CLIP1: variants seen among roughly 807,000 people sequenced by gnomAD.
The protein encoded by CLIP1 is CAP-Gly domain-containing linker protein 1.
A neutral mutation model predicts 161.6 loss-of-function variants in CLIP1; 66 were observed. The observed-to-expected ratio is 0.41, with a 90% CI of 0.33 to 0.50. The LOEUF is 0.50. CLIP1 is among the 20% of genes least tolerant of loss of function. The pLI, the probability that CLIP1 is intolerant of heterozygous loss-of-function variation, is 0.27. For missense variants in CLIP1, 1,376 were observed against 1,702.0 expected, an observed-to-expected ratio of 0.81 and a Z score of 3.37; for synonymous variants, 598 against 626.2, an observed-to-expected ratio of 0.96 and a Z score of 0.67.
chr12:122,293,639 C>T (rs1280845630), intron 20 of CLIP1, among the ~76,000 whole-genome samples: 1 of 150,732 alleles, frequency 6.6e-6, no homozygotes, highest in Non-Finnish European at 1.5e-5. Flanking sequence ...CCACCACGCT[C>T]GGCTAATTTT....
intron 15 of CLIP1, among the ~76,000 whole-genome samples, chr12:122,332,737 A>G (rs1952035795): frequency 6.6e-6 from 1 of 152,164 alleles, no homozygotes; most frequent in Non-Finnish European, 1.5e-5. Flanking sequence ...TCTTTTCTTT[A>G]CAAGTCACCA....
At chr12:122,308,892 C>A (rs1418923161) in intron 20 of CLIP1, among the ~76,000 whole-genome samples, 2 of 152,206 alleles carry the variant, frequency 1.3e-5, no homozygotes, top group African/African-American at 2.4e-5. Context: ...GTACTCAGTA[C>A]AACTACCCCA....
Position 122,360,982 on chromosome 12 carries a change from T to G in CLIP1, c.982A>C (p.Ser328Arg), listed in dbSNP as rs200449581. Residue 328 changes from serine to arginine, a missense_variant, in exon 5 of 26, where the codon AGC (serine) becomes CGC (arginine). Ser to Arg is a moderately radical substitution (Grantham distance 110). Transcript: ENST00000620786. ...ACTAGTCCTGTCCGACTGGGCCTGC[T>G]GCTCACAGAGGAGGCCACTGAGCTC... ...SMSSVASSVS[S>R]RPSRTGLLTE... is the part of the protein sequence containing the mutation. 6.2e-7 allele frequency: 1 copy of G among 1,613,574 alleles called. No individual in the cohort carries two copies. The highest frequency in any genetic ancestry group is 1.3e-5 in the African/African-American group (1 of 74,936).
At chr12:122,306,608 C>T (rs569779088) in intron 20 of CLIP1, among the ~76,000 whole-genome samples, 1 of 152,292 alleles carries the variant, frequency 6.6e-6, no homozygotes, top group East Asian at 1.9e-4. Context: ...CAGCAGCTTG[C>T]TCTGCTCAAG....
chr12:122,351,094 G>C lies in CLIP1; in HGVS notation c.1401+17C>G. On this transcript the variant is annotated intron_variant, in intron 9 of 25. Transcript: ENST00000620786. The stretch of plus-strand genomic sequence containing the variant: ...TGTTAACAAGGGAAATATCCACACA[G>C]TTAAGTGCCCTCTTACATTCTCAGG... 1 of 1,537,012 alleles carries C rather than the reference G, an allele frequency of 6.5e-7. No individual in the cohort carries two copies. Among genetic ancestry groups the C allele is most frequent in the Non-Finnish European group, 8.7e-7 (1 of 1,143,046 alleles).
intron 20 of CLIP1, among the ~76,000 whole-genome samples, chr12:122,292,061 G>A (rs372261295): frequency 1.3e-5 from 2 of 152,036 alleles, no homozygotes; most frequent in South Asian, 4.1e-4. Context: ...ACAAAATCTC[G>A]GCTCACTGCA....
At chr12:122,392,282 AAAAG>A (rs919142326) in intron 1 of CLIP1, among the ~76,000 whole-genome samples, 3 of 152,146 alleles carry the variant, frequency 2.0e-5, no homozygotes, top group Middle Eastern at 3.2e-3. Flanking sequence ...AAAACAAAAC[AAAAG>A]AAAGAAGGAA....
rs979379410 is a variant in CLIP1 at position 122,355,524 on chromosome 12, A to G, written c.1006-212T>C. On this transcript the variant is annotated intron_variant, in intron 5 of 25. Coordinates refer to ENST00000620786, the MANE Select transcript of CLIP1 (RefSeq NM_001247997.2). The surrounding 1 kb of genome is among the most constrained non-coding windows in gnomAD (Gnocchi z 4.1). The stretch of plus-strand genomic sequence containing the variant: ...ACAAAGAATACATCAACGTAAAGAG[A>G]TCAGCCAGGTGCGGTGGCTCATGCC... 1.8e-6 allele frequency: 1 copy of G among 545,582 alleles called. No homozygotes were observed. The highest frequency in any genetic ancestry group is 3.3e-6 in the Non-Finnish European group (1 of 304,094). 33.8% of individuals were successfully genotyped at this position (545,582 alleles called of 1,614,324 possible).
chr12:122,337,568 C>T (rs1438107894), intron 11 of CLIP1, among the ~76,000 whole-genome samples: 2 of 152,094 alleles, frequency 1.3e-5, no homozygotes, highest in Non-Finnish European at 1.5e-5. Flanking sequence ...GGATTAGAGG[C>T]ATGAGCCACT....
At chr12:122,289,690 G>A (rs1956016163) in intron 20 of CLIP1, among the ~76,000 whole-genome samples, 1 of 151,974 alleles carries the variant, frequency 6.6e-6, no homozygotes, top group South Asian at 2.1e-4. Flanking sequence ...ATCTCATGAA[G>A]GATAAAAAAC....
At chr12:122,386,858 C>T (rs1420327736) in intron 1 of CLIP1, among the ~76,000 whole-genome samples, 1 of 150,048 alleles carries the variant, frequency 6.7e-6, no homozygotes, top group African/African-American at 2.4e-5. Flanking sequence ...AGATTCTGAG[C>T]TTACAAAGCT....
At chr12:122,422,784 C>A (rs1957005566), upstream of CLIP1, among the ~76,000 whole-genome samples, 1 of 97,682 alleles carries the variant, frequency 1.0e-5, no homozygotes. Flanking sequence ...GCGCCCGGCC[C>A]CGCGCCGCCC....
chr12:122,406,289 T>C (rs1234140435), intron 1 of CLIP1, among the ~76,000 whole-genome samples: 1 of 151,902 alleles, frequency 6.6e-6, no homozygotes, highest in Non-Finnish European at 1.5e-5. Flanking sequence ...CTGCAAAAAA[T>C]ACAAAAATTA....
intron 17 of CLIP1, 34 bp downstream of exon 17, chr12:122,327,913 C>CTACA (rs1566120784): frequency 1.2e-6 from 2 of 1,603,440 alleles, no homozygotes; most frequent in Non-Finnish European, 1.7e-6. Flanking sequence ...CTCAGGCAAG[C>CTACA]TACAACACAA....
At chr12:122,358,917 C>T (rs544075675) in intron 5 of CLIP1, among the ~76,000 whole-genome samples, 2 of 151,972 alleles carry the variant, frequency 1.3e-5, no homozygotes, top group Admixed American at 6.6e-5. Flanking sequence ...AAAAATTAGC[C>T]GGGCATGGTG....
intron 20 of CLIP1, among the ~76,000 whole-genome samples, chr12:122,301,627 C>T (rs1950682109): frequency 6.6e-6 from 1 of 152,130 alleles, no homozygotes; most frequent in Non-Finnish European, 1.5e-5. Context: ...TGAGCCGAGA[C>T]TGCAGCACTG....
Position 122,311,574 on chromosome 12 carries a change from G to A in CLIP1, c.3474-1692C>T, listed in dbSNP as rs888927979. Among the ~76,000 whole-genome samples, 3 of 151,938 alleles carry A rather than the reference G, an allele frequency of 2.0e-5. No homozygotes were observed. Among genetic ancestry groups the A allele is most frequent in the Non-Finnish European group, 2.9e-5 (2 of 67,988 alleles). On this transcript the variant is annotated intron_variant, in intron 19 of 25. Transcript: ENST00000620786. This position sits in a 1 kb window ranked among gnomAD's most constrained non-coding sequence, Gnocchi z 4.3. ...TGAGTAACTGGGACTACAGGTGTCC[G>A]CCACCGCGCCCAGCCAATTTTTGTA...
rs71082962 is a variant in CLIP1 at position 122,299,612 on chromosome 12, C to CAAAA, written c.3594+10146_3594+10149dup. ...TTTTGTTTTTAAAGAATAAATTCAG[C>CAAAA]AAAAAAAAAAAAAAAAAAAAGATGC... On this transcript the variant is annotated intron_variant, in intron 20 of 25. Coordinates refer to ENST00000620786, the MANE Select transcript of CLIP1 (RefSeq NM_001247997.2). Among the ~76,000 whole-genome samples the CAAAA allele has an allele frequency of 2.5e-3, 155 of 62,488 alleles. 18 individuals are homozygous for CAAAA. The highest frequency in any genetic ancestry group is 9.6e-3 in the African/African-American group (138 of 14,330). The allele number at this position is 62,488 out of a possible 152,430, so 41.0% of individuals were successfully genotyped here.
chr12:122,319,209 A>C, intron 18 of CLIP1, 23 bp downstream of exon 18: 1 of 1,478,794 alleles, frequency 6.8e-7, no homozygotes, highest in Middle Eastern at 1.7e-4. Context: ...TCTTTGTATA[A>C]AAAGCTATTT....
Sources: gnomAD v4.1 joint callset for allele counts (sites outside exome capture counted in the v4.1 genomes callset) on GRCh38, gnomAD v4.1.1 for gene constraint, Gnocchi (gnomAD v3.1) non-coding constraint, MANE v1.5 for transcripts, NCBI Gene and HGNC (gene_info 2026-07-23, HGNC 2026-07-21) for gene names.